The following ARMH3 variants were observed in gnomAD, a reference collection of about 807,000 sequenced individuals.
ARMH3 encodes armadillo like helical domain containing 3.
In ARMH3, 60 loss-of-function variants were observed where a neutral mutation model predicts 99.1. The ratio of observed to expected loss-of-function variants is 0.61; its 90% CI spans 0.49 to 0.75. ARMH3 has a LOEUF of 0.75. ARMH3 is among the 30% of genes least tolerant of loss of function. The pLI is 0.00. For missense variants in ARMH3, 679 were observed against 843.1 expected (o/e 0.81, Z 2.41); for synonymous variants, 285 against 292.8 (o/e 0.97, Z 0.27).
chr10:101,897,450 C>A (rs186741009), intron 23 of ARMH3, among the ~76,000 whole-genome samples: 4 of 152,268 alleles, frequency 2.6e-5, no homozygotes, highest in Admixed American at 2.6e-4. Context: ...AGCTGTCCTC[C>A]CAAAGAAGGA....
chr10:101,934,239 C>T (rs764329152), intron 23 of ARMH3, among the ~76,000 whole-genome samples: 2 of 152,124 alleles, frequency 1.3e-5, no homozygotes, highest in East Asian at 1.9e-4. Flanking sequence ...TGTCTATGCG[C>T]GTGCACATGT....
At chr10:101,927,343 GAAGGA>G (rs1339433187) in intron 23 of ARMH3, among the ~76,000 whole-genome samples, 1 of 152,174 alleles carries the variant, frequency 6.6e-6, no homozygotes, top group Non-Finnish European at 1.5e-5. Context: ...GACCTAAAGA[GAAGGA>G]GAGAATGTAC....
Position 101,916,051 on chromosome 10 carries a change from G to A in ARMH3, c.1781+23812C>T, listed in dbSNP as rs559430086. Among the ~76,000 whole-genome samples the A allele has an allele frequency of 2.6e-5, 4 of 152,158 alleles. No individual in the cohort carries two copies. The South Asian group carries it at 8.3e-4, about 32-fold the overall frequency. On this transcript the variant is annotated intron_variant, in intron 23 of 25. Transcript: ENST00000370033. ...GATCTCCTGACCTCGTGATCCGCCC[G>A]CCCCGGCCTCCCAAAGTGCTGGGAT... is the stretch of plus-strand genomic sequence containing the variant.
chr10:102,023,371 A>T, intron 8 of ARMH3, 106 bp downstream of exon 8: 1 of 975,850 alleles, frequency 1.0e-6, no homozygotes, highest in Non-Finnish European at 1.5e-6. Context: ...TAATCAATAT[A>T]CCATTTACCA....
intron 1 of ARMH3, among the ~76,000 whole-genome samples, chr10:102,042,030 G>GA (rs1417450659): frequency 1.3e-5 from 2 of 152,042 alleles, no homozygotes; most frequent in African/African-American, 4.8e-5. Flanking sequence ...GAAAACTGAT[G>GA]AAAAAAATAA....
At chr10:101,952,838 C>T (rs1844852166) in intron 22 of ARMH3, 1 of 152,244 alleles carries the variant, frequency 6.6e-6, no homozygotes, top group Non-Finnish European at 1.5e-5. Flanking sequence ...TGTCTCCTCC[C>T]AAAGCCCCTG....
chr10:102,051,014 C>G (rs1277278413), intron 1 of ARMH3, among the ~76,000 whole-genome samples: 1 of 151,760 alleles, frequency 6.6e-6, no homozygotes, highest in Non-Finnish European at 1.5e-5. Context: ...ATTAGCTGGG[C>G]ATGGTGGCAA....
At chr10:101,938,912 C>T (rs969112285) in intron 23 of ARMH3, among the ~76,000 whole-genome samples, 1 of 152,160 alleles carries the variant, frequency 6.6e-6, no homozygotes, top group Non-Finnish European at 1.5e-5. Context: ...ACACAAATTT[C>T]ACACTTCTCC....
chr10:101,950,323 T>A (rs1208949716), intron 22 of ARMH3, among the ~76,000 whole-genome samples: 2 of 152,194 alleles, frequency 1.3e-5, no homozygotes, highest in Admixed American at 1.3e-4. Flanking sequence ...AAAATCAGCA[T>A]TGTTTCTTGC....
At chr10:102,002,172 T>C in intron 14 of ARMH3, 100 bp from the exon 15 acceptor site, 1 of 1,543,878 alleles carries the variant, frequency 6.5e-7, no homozygotes, top group Non-Finnish European at 8.7e-7. Context: ...AATCACTAAA[T>C]AAGCTTTTTC....
chr10:101,927,621 G>C (rs182529617), intron 23 of ARMH3, among the ~76,000 whole-genome samples: 16 of 152,282 alleles, frequency 1.1e-4, no homozygotes, highest in African/African-American at 3.4e-4. Flanking sequence ...GCTCAAGTAA[G>C]TATTTGGCAT....
intron 15 of ARMH3, among the ~76,000 whole-genome samples, chr10:102,000,910 G>A (rs937087648): frequency 3.3e-5 from 5 of 151,946 alleles, no homozygotes; most frequent in South Asian, 2.1e-4. Flanking sequence ...TCCACCTCCC[G>A]GGTTCAAGCA....
chr10:101,931,368 C>CA (rs1036524995), intron 23 of ARMH3, among the ~76,000 whole-genome samples: 4 of 151,978 alleles, frequency 2.6e-5, no homozygotes, highest in African/African-American at 9.7e-5. Flanking sequence ...ACTAAAAATA[C>CA]AAAAAAATTA....
intron 22 of ARMH3, among the ~76,000 whole-genome samples, chr10:101,949,608 G>A (rs553179366): frequency 1.5e-4 from 23 of 152,150 alleles, no homozygotes; most frequent in Admixed American, 5.9e-4. Context: ...AACTCCAGAC[G>A]CAGTGGCTTC....
At chr10:101,899,869 T>A (rs1191575370) in intron 23 of ARMH3, among the ~76,000 whole-genome samples, 1 of 152,144 alleles carries the variant, frequency 6.6e-6, no homozygotes. Context: ...TTAGTTAGTA[T>A]AAAAGGCATT....
rs149452041 is a variant in ARMH3 at position 101,945,002 on chromosome 10, G to A, written c.1706-5064C>T. 2.0e-4 allele frequency among the ~76,000 whole-genome samples: 30 copies of A among 152,200 alleles called. No homozygotes were observed. In the East Asian group the frequency reaches 5.4e-3, roughly 27 times the overall value. On this transcript the variant is annotated intron_variant, in intron 22 of 25. Coordinates refer to ENST00000370033, the MANE Select transcript of ARMH3 (RefSeq NM_024541.3). Reference sequence around the variant, plus strand: ...AAAAATGGTGTTCTACTTCCAGCATGGCAGAGTAAGCCCACTAAAGCCTCT... The same window carrying A: ...AAAAATGGTGTTCTACTTCCAGCATAGCAGAGTAAGCCCACTAAAGCCTCT...
At chr10:101,956,786 G>C (rs1845061058) in intron 21 of ARMH3, 63 bp from the exon 22 acceptor site, 7 of 1,556,482 alleles carry the variant, frequency 4.5e-6, no homozygotes, top group Non-Finnish European at 6.1e-6. Flanking sequence ...ATTATCAGTG[G>C]TATGCTGTAG....
intron 22 of ARMH3, among the ~76,000 whole-genome samples, chr10:101,942,055 G>A (rs1844265287): frequency 6.6e-6 from 1 of 152,110 alleles, no homozygotes; most frequent in South Asian, 2.1e-4. Flanking sequence ...TTACTGAACA[G>A]GCACCCAGAT....
intron 24 of ARMH3, among the ~76,000 whole-genome samples, chr10:101,884,723 T>C (rs934991200): frequency 2.0e-5 from 3 of 152,082 alleles, no homozygotes; most frequent in African/African-American, 7.2e-5. Flanking sequence ...CAATAACTTC[T>C]TGGACTTCTT....
Sources: gnomAD v4.1 joint callset for allele counts (sites outside exome capture counted in the v4.1 genomes callset) on GRCh38, gnomAD v4.1.1 for gene constraint, MANE v1.5 for transcripts, NCBI Gene and HGNC (gene_info 2026-07-23, HGNC 2026-07-21) for gene names.